The following PCDHA6 variants were observed in gnomAD, a reference collection of about 807,000 sequenced individuals.
The protein encoded by PCDHA6 is protocadherin alpha-6.
A neutral mutation model predicts 60.3 loss-of-function variants in PCDHA6; 55 were observed. The observed-to-expected ratio is 0.91, with a 90% CI of 0.73 to 1.14. PCDHA6 has a LOEUF of 1.14. PCDHA6 is among the 50% of genes most tolerant of loss of function. The pLI, the probability that PCDHA6 is intolerant of heterozygous loss-of-function variation, is 0.00. For missense variants in PCDHA6, 1,327 were observed against 1,256.5 expected (o/e 1.06, Z -0.85); for synonymous variants, 652 against 557.9 (o/e 1.17, Z -2.38).
At chr5:140,932,413 A>G (rs2088287956) in intron 1 of PCDHA6, among the ~76,000 whole-genome samples, 1 of 151,930 alleles carries the variant, frequency 6.6e-6, no homozygotes, top group Admixed American at 6.6e-5. Flanking sequence ...ATGTTATATT[A>G]GTGTATTGTT....
rs2150461190 is a variant in PCDHA6 at position 140,849,977 on chromosome 5, G to C, written c.2394+19492G>C. On this transcript the variant is annotated intron_variant, in intron 1 of 3. Coordinates refer to ENST00000529310, the MANE Select transcript of PCDHA6 (RefSeq NM_018909.4). ...AGAACGCCCTGGTGTCCTACTCGCT[G>C]GTGGAGCGGCGGTTGGGCGAGCGCT... 2.2e-5 allele frequency: 35 copies of C among 1,597,540 alleles called. 4 individuals are homozygous for C. The highest frequency in any genetic ancestry group is 3.0e-5 in the Non-Finnish European group (35 of 1,167,900).
At chr5:140,905,383 A>G (rs576453128) in intron 1 of PCDHA6, among the ~76,000 whole-genome samples, 8 of 152,324 alleles carry the variant, frequency 5.3e-5, no homozygotes, top group African/African-American at 1.7e-4. Flanking sequence ...GTTCTGTTTC[A>G]TAGGTCTGTG....
rs2150235707 is a variant in PCDHA6 at position 140,835,435 on chromosome 5, C to T, written c.2394+4950C>T. 9.9e-6 allele frequency: 16 copies of T among 1,613,906 alleles called. 1 individual carries two copies. The highest frequency in any genetic ancestry group is 3.3e-5 in the Admixed American group (2 of 60,014). On this transcript the variant is annotated intron_variant, in intron 1 of 3. Coordinates refer to ENST00000529310, the MANE Select transcript of PCDHA6 (RefSeq NM_018909.4). ...GTAAATGACAATGCTCCACAGTTGA[C>T]TCTCACTTCCCTGTCTCTCCCTATT...
chr5:140,967,079 A>G (rs2096093467), intron 1 of PCDHA6: 10 of 1,613,252 alleles, frequency 6.2e-6, no homozygotes, highest in Non-Finnish European at 8.5e-6. Flanking sequence ...CAACGAGCGC[A>G]TTGATCGGGA....
intron 1 of PCDHA6, chr5:140,884,056 G>C (rs782776341): frequency 6.2e-7 from 1 of 1,613,476 alleles, no homozygotes; most frequent in African/African-American, 1.3e-5. Context: ...AGGTGCGCGC[G>C]GTGGACGCCG....
intron 1 of PCDHA6, among the ~76,000 whole-genome samples, chr5:140,899,664 G>A (rs1263525075): frequency 2.0e-5 from 3 of 152,126 alleles, no homozygotes; most frequent in African/African-American, 4.8e-5. Context: ...GTCTCTGCCC[G>A]GCTTTGGTAT....
chr5:140,841,274 C>T (rs1554138057), intron 1 of PCDHA6: 4 of 1,518,268 alleles, frequency 2.6e-6, no homozygotes. Context: ...TACAGTCGTT[C>T]ATCTTTATAT....
intron 1 of PCDHA6, among the ~76,000 whole-genome samples, chr5:140,918,322 A>G (rs538027862): frequency 1.1e-4 from 16 of 152,220 alleles, no homozygotes; most frequent in African/African-American, 2.6e-4. Context: ...GTATAAAATT[A>G]TATTGTCTGC....
intron 1 of PCDHA6, chr5:140,866,356 A>G (rs1554160259): frequency 6.6e-6 from 1 of 152,172 alleles, no homozygotes; most frequent in African/African-American, 2.4e-5. Flanking sequence ...AAATGTTTAC[A>G]ATATTGCATA....
At chr5:140,926,861 G>T in intron 1 of PCDHA6, 1 of 1,522,578 alleles carries the variant, frequency 6.6e-7, no homozygotes, top group Non-Finnish European at 8.8e-7. Flanking sequence ...TTGGTGTAGC[G>T]TGTTGGTGGA....
intron 1 of PCDHA6, chr5:140,870,784 G>T (rs374163229): frequency 3.1e-6 from 5 of 1,613,574 alleles, no homozygotes; most frequent in Non-Finnish European, 4.2e-6. Context: ...GAACGACAAC[G>T]CGCCGGCACT....
intron 1 of PCDHA6, chr5:140,928,209 T>C: frequency 6.2e-7 from 1 of 1,614,222 alleles, no homozygotes; most frequent in South Asian, 1.1e-5. Flanking sequence ...CTGATGTGAA[T>C]GACAATACAC....
At position 140,829,434 on chromosome 5, in the gene PCDHA6, T is replaced by C; in HGVS notation, c.1343T>C (p.Met448Thr). The C allele has an allele frequency of 6.2e-7, 1 of 1,613,976 alleles. No individual in the cohort carries two copies. ...AGCTTGTCTGTGGAGGTGGCCGACA[T>C]GAATGACAATGCTCCGGCGTTCGCG... is the stretch of plus-strand genomic sequence containing the variant. ...TASLSVEVAD[M>T]NDNAPAFAQP... is the part of the protein sequence containing the mutation. The change falls in exon 1 of 4, where the codon ATG (methionine) becomes ACG (threonine). Residue 448 changes from methionine (M) to threonine (T), a missense_variant. Met to Thr is a moderately conservative substitution (Grantham distance 81, BLOSUM62 -1). Coordinates refer to ENST00000529310, the MANE Select transcript of PCDHA6 (RefSeq NM_018909.4).
chr5:140,880,742 G>A, intron 1 of PCDHA6, among the ~76,000 whole-genome samples: 1 of 152,208 alleles, frequency 6.6e-6, no homozygotes, highest in East Asian at 1.9e-4. Flanking sequence ...AAAATGGATT[G>A]TCAGTGTAAC....
intron 1 of PCDHA6, among the ~76,000 whole-genome samples, chr5:140,926,001 C>A (rs782316154): frequency 3.3e-5 from 5 of 152,302 alleles, no homozygotes; most frequent in Middle Eastern, 3.4e-3. Flanking sequence ...TCCGCTGCCT[C>A]GAAAAGCCAG....
chr5:140,922,595 A>G (rs1554200883), intron 1 of PCDHA6, among the ~76,000 whole-genome samples: 1 of 152,216 alleles, frequency 6.6e-6, no homozygotes, highest in Non-Finnish European at 1.5e-5. Context: ...AGTTCTCATC[A>G]GTTGAAGATA....
intron 3 of PCDHA6, among the ~76,000 whole-genome samples, chr5:140,992,975 T>G (rs2097535680): frequency 6.6e-6 from 1 of 152,178 alleles, no homozygotes; most frequent in Admixed American, 6.6e-5. Context: ...TGACAATGAT[T>G]AGGCCATGGG....
rs144848413 is a variant in PCDHA6 at position 140,843,473 on chromosome 5, T to C, written c.2394+12988T>C. 4.9e-4 allele frequency: 775 copies of C among 1,595,974 alleles called. 42 individuals carry two copies. The African/African-American group carries it at 8.9e-3, about 18-fold the overall frequency. On this transcript the variant is annotated intron_variant, in intron 1 of 3. Coordinates refer to ENST00000529310, the MANE Select transcript of PCDHA6 (RefSeq NM_018909.4). ...CCTGCTGGTGCTCACGCTGCTGCTG[T>C]ACACTGCGCTGCGGTGCTCAGCACT...
At chr5:140,901,922 G>A (rs2068984254) in intron 1 of PCDHA6, among the ~76,000 whole-genome samples, 2 of 151,732 alleles carry the variant, frequency 1.3e-5, no homozygotes. Flanking sequence ...TCACTTCTTT[G>A]GTTAATTCCT....
Sources: gnomAD v4.1 joint callset for allele counts (sites outside exome capture counted in the v4.1 genomes callset) on GRCh38, gnomAD v4.1.1 for gene constraint, MANE v1.5 for transcripts, NCBI Gene and HGNC (gene_info 2026-07-23, HGNC 2026-07-21) for gene names.